Variants in DDX43 observed in about 807,000 individuals in gnomAD.
DDX43 encodes the protein probable ATP-dependent RNA helicase DDX43.
A neutral mutation model predicts 84.9 loss-of-function variants in DDX43; 50 were observed. The ratio of observed to expected loss-of-function variants is 0.59; its 90% CI spans 0.47 to 0.75. The LOEUF (loss-of-function observed/expected upper bound fraction) is 0.75. Ranked by LOEUF, DDX43 falls within the 30% of genes least tolerant of loss-of-function variation. The probability of loss-of-function intolerance (pLI) is 0.00; values close to 1 mark genes in which losing one functional copy is unlikely to be tolerated. For missense variants in DDX43, 689 were observed against 798.6 expected, an observed-to-expected ratio of 0.86 and a Z score of 1.65; for synonymous variants, 291 against 266.3, an observed-to-expected ratio of 1.09 and a Z score of -0.90.
At position 73,395,027 on chromosome 6, in the gene DDX43, A is replaced by G; in HGVS notation, c.122A>G (p.Glu41Gly). The G allele has an allele frequency of 1.2e-6, 2 of 1,614,210 alleles. No homozygotes were observed. The highest frequency in any genetic ancestry group is 1.1e-5 in the South Asian group (1 of 91,086). ...PAEELNRTGP[E>G]GYSVGRGGRW... ...GAGGAGTTGAATCGAACAGGTCCTG[A>G]GGGATATAGTGTCGGCAGAGGTGGT... is the stretch of plus-strand genomic sequence containing the variant. The change falls in exon 1 of 17, where the codon GAG (glutamate) becomes GGG (glycine). Residue 41 changes from glutamate (E) to glycine (G), a missense_variant. Glu to Gly is a moderately conservative substitution (Grantham distance 98, BLOSUM62 -2). Transcript: ENST00000370336.
At chr6:73,406,684 A>T (rs544024263) in intron 7 of DDX43, among the ~76,000 whole-genome samples, 1 of 152,346 alleles carries the variant, frequency 6.6e-6, no homozygotes, top group African/African-American at 2.4e-5. Flanking sequence ...GGTAATATCT[A>T]CCAAAAGCCT....
At chr6:73,412,790 G>C (rs894457034) in intron 11 of DDX43, among the ~76,000 whole-genome samples, 27 of 151,922 alleles carry the variant, frequency 1.8e-4, no homozygotes, top group African/African-American at 6.5e-4. Flanking sequence ...GAGTGCAGTG[G>C]GGTGATCTCA....
intron 2 of DDX43, among the ~76,000 whole-genome samples, chr6:73,398,340 C>T (rs1472535579): frequency 6.6e-6 from 1 of 152,168 alleles, no homozygotes; most frequent in Non-Finnish European, 1.5e-5. Context: ...CAACCTCTGC[C>T]TCCCGGGTTG....
chr6:73,397,809 CTACTT>C (rs1769501603), intron 2 of DDX43, 65 bp downstream of exon 2: 2 of 1,439,796 alleles, frequency 1.4e-6, no homozygotes, highest in African/African-American at 1.4e-5. Flanking sequence ...GCACCTAACT[CTACTT>C]TTCTTTTTAA....
At chr6:73,398,179 A>G (rs984165434) in intron 2 of DDX43, among the ~76,000 whole-genome samples, 1 of 151,926 alleles carries the variant, frequency 6.6e-6, no homozygotes, top group African/African-American at 2.4e-5. Flanking sequence ...AGTTCTTCAT[A>G]CTCCTTATTC....
At position 73,399,459 on chromosome 6, in the gene DDX43, CCTT is replaced by C. The variant is rs750210563; in HGVS notation, c.307-772_307-770del. 3.1e-4 allele frequency among the ~76,000 whole-genome samples: 47 copies of C among 152,126 alleles called. 1 individual carries two copies. Among genetic ancestry groups the C allele is most frequent in the Non-Finnish European group, 6.2e-4 (42 of 68,024 alleles). ...CATAGCTTTTTCCTCATAAATAATT[CCTT>C]CTCACCTTTCAGGGAAGTCTAAGGC... On this transcript the variant is annotated intron_variant, in intron 2 of 16. Coordinates refer to ENST00000370336, the MANE Select transcript of DDX43 (RefSeq NM_018665.3).
At position 73,394,915 on chromosome 6, in the gene DDX43, C is replaced by T. The variant is rs1314037211; in HGVS notation, c.10C>T (p.His4Tyr). 3 of 1,614,052 alleles carry T rather than the reference C, an allele frequency of 1.9e-6. No individual in the cohort carries two copies. The highest frequency in any genetic ancestry group is 8.5e-7 in the Non-Finnish European group (1 of 1,180,014). The change falls in exon 1 of 17, where the codon CAC (histidine) becomes TAC (tyrosine). Residue 4 changes from histidine to tyrosine, a missense_variant. Around this residue, in one of 2 missense-constraint regions of DDX43, gnomAD observed 137 missense variants for 105.9 expected, o/e 1.29. Transcript: ENST00000370336. ...GCCCCTTCTTGGAACAATGTCCCAC[C>T]ACGGAGGAGCTCCCAAGGCCTCTAC... MSH[H>Y]GGAPKASTWV...
chr6:73,399,247 A>G (rs541510349), intron 2 of DDX43, among the ~76,000 whole-genome samples: 1 of 152,294 alleles, frequency 6.6e-6, no homozygotes, highest in Non-Finnish European at 1.5e-5. Context: ...GCGCTTGGCT[A>G]GAACAATCAT....
Position 73,414,589 on chromosome 6 carries a change from G to T in DDX43, c.1648G>T (p.Gly550Ter). The T allele has an allele frequency of 6.2e-7, 1 of 1,613,390 alleles. No homozygotes were observed. Among genetic ancestry groups the T allele is most frequent in the Admixed American group, 1.7e-5 (1 of 59,954 alleles). Residue 550 changes from glycine to a stop codon, truncating the protein, a stop_gained, in exon 14 of 17, where the codon GGA becomes TGA. Transcript: ENST00000370336. LOFTEE classifies it high-confidence loss of function. ...ILIATDLASRGLDVHDVTHVY... is the reference protein window; with the variant it reads ...ILIATDLASR ...AATTGCAACTGATCTAGCCTCTAGA[G>T]GACTTGATGTCCATGACGTTACACA...
Position 73,408,040 on chromosome 6 carries a change from C to G in DDX43, c.1118C>G (p.Pro373Arg). ...GGTGTAGATATCATAATTGCAACTCCCGGAAGATTGAATGATCTGCAAATG... is the reference window on the plus strand; with the variant it reads ...GGTGTAGATATCATAATTGCAACTCGCGGAAGATTGAATGATCTGCAAATG... ...KKGVDIIIAT[P>R]GRLNDLQMSN... The change falls in exon 9 of 17, where the codon CCC becomes CGC. Residue 373 changes from proline to arginine, a missense_variant. Pro to Arg is a moderately radical substitution (Grantham distance 103, BLOSUM62 -2). Around this residue, in one of 2 missense-constraint regions of DDX43, gnomAD observed 552 missense variants for 692.7 expected, o/e 0.80. Transcript: ENST00000370336. 6.2e-7 allele frequency: 1 copy of G among 1,610,670 alleles called. No homozygotes were observed. Among genetic ancestry groups the G allele is most frequent in the Non-Finnish European group, 8.5e-7 (1 of 1,178,778 alleles).
intron 11 of DDX43, 60 bp downstream of exon 11, chr6:73,412,352 A>G (rs149090963): frequency 1.2e-5 from 17 of 1,464,974 alleles, no homozygotes; most frequent in Non-Finnish European, 1.5e-5. Context: ...AAGATAGCTA[A>G]TTTTGGTGTG....
At chr6:73,399,031 T>C (rs932329772) in intron 2 of DDX43, among the ~76,000 whole-genome samples, 3 of 152,164 alleles carry the variant, frequency 2.0e-5, no homozygotes, top group African/African-American at 7.2e-5. Context: ...CCGCAACCAC[T>C]GCCTCCTGGG....
At chr6:73,403,332 C>T (rs983786230) in intron 4 of DDX43, among the ~76,000 whole-genome samples, 4 of 152,030 alleles carry the variant, frequency 2.6e-5, no homozygotes, top group Admixed American at 6.6e-5. Flanking sequence ...TAGCTGGGCG[C>T]GGTGGCACAT....
In DDX43 at chr6:73,405,804, A is replaced by G. The variant is rs1562284334; in HGVS notation, c.776A>G (p.Lys259Arg). 1 of 1,614,088 alleles carries G rather than the reference A, an allele frequency of 6.2e-7. No individual in the cohort carries two copies. Among genetic ancestry groups the G allele is most frequent in the Non-Finnish European group, 8.5e-7 (1 of 1,179,994 alleles). ...CCTGAGGTTATGGAAAACATTAAAA[A>G]GGCAGGTTTTCAAAAGCCAACACCT... ...CYPEVMENIK[K>R]AGFQKPTPIQ... The change falls in exon 6 of 17, where the codon AAG becomes AGG. Residue 259 changes from lysine to arginine, a missense_variant. By Grantham distance (26) the Lys-to-Arg change is conservative (BLOSUM62 2). Coordinates refer to ENST00000370336, the MANE Select transcript of DDX43 (RefSeq NM_018665.3).
At chr6:73,395,691 C>T (rs926077249) in intron 1 of DDX43, among the ~76,000 whole-genome samples, 2 of 151,712 alleles carry the variant, frequency 1.3e-5, no homozygotes, top group African/African-American at 4.8e-5. Flanking sequence ...AGAGCAACTC[C>T]TAGAAGACTT....
At chr6:73,414,508 TACCAG>T (rs1263350111) in intron 13 of DDX43, 35 bp from the exon 14 acceptor site, 1 of 1,563,778 alleles carries the variant, frequency 6.4e-7, no homozygotes, top group Admixed American at 1.9e-5. Context: ...GGTTGGTTTA[TACCAG>T]AATGGTTCAG....
At chr6:73,400,545 T>C (rs1174145680) in intron 3 of DDX43, among the ~76,000 whole-genome samples, 182 bp downstream of exon 3, 1 of 152,214 alleles carries the variant, frequency 6.6e-6, no homozygotes, top group East Asian at 1.9e-4. Flanking sequence ...ATACCAGAGC[T>C]CTATGTTCAT....
intron 1 of DDX43, 86 bp from the exon 2 acceptor site, chr6:73,397,603 A>T: frequency 9.4e-7 from 1 of 1,059,958 alleles, no homozygotes; most frequent in Non-Finnish European, 1.4e-6. Context: ...GGGAAGAACT[A>T]GAGAATGTTT....
intron 4 of DDX43, among the ~76,000 whole-genome samples, chr6:73,403,285 T>C: frequency 6.6e-6 from 1 of 151,934 alleles, no homozygotes; most frequent in Non-Finnish European, 1.5e-5. Flanking sequence ...GCCTGGGCAA[T>C]ATGGTGAAAC....
Sources: gnomAD v4.1 joint callset for allele counts (sites outside exome capture counted in the v4.1 genomes callset) on GRCh38, gnomAD v4.1.1 for gene constraint, gnomAD v4.1.1 regional missense constraint, MANE v1.5 for transcripts, NCBI Gene and HGNC (gene_info 2026-07-23, HGNC 2026-07-21) for gene names.